Variants in WDR93 observed in about 807,000 individuals in gnomAD.
The protein encoded by WDR93 is WD repeat domain 93.
In WDR93, 73 loss-of-function variants were observed where a neutral mutation model predicts 82.9. The ratio of observed to expected loss-of-function variants is 0.88; its 90% CI spans 0.73 to 1.07. The LOEUF (loss-of-function observed/expected upper bound fraction) is 1.07. Ranked by LOEUF, WDR93 falls within the 50% of genes least tolerant of loss-of-function variation. The probability of loss-of-function intolerance (pLI) is 0.00; values close to 1 mark genes in which losing one functional copy is unlikely to be tolerated. For missense variants in WDR93, 738 were observed against 826.0 expected (o/e 0.89, Z 1.31); for synonymous variants, 283 against 300.1 (o/e 0.94, Z 0.59).
intron 2 of WDR93, 90 bp downstream of exon 2, chr15:89,702,139 G>A (rs1965501357): frequency 2.2e-6 from 3 of 1,385,536 alleles, no homozygotes; most frequent in Non-Finnish European, 2.9e-6. Context: ...ATTCCTACTA[G>A]AAAGCTGCAT....
rs529949117 is a variant in WDR93, at chr15:89,710,886, G to A, written c.562-1140G>A. ...TTTTCATATGGGCAACCAATTTCAA[G>A]GCAACAAAATGGTTGATGATGGAAA... On this transcript the variant is annotated intron_variant, in intron 4 of 16. Coordinates refer to ENST00000268130, the MANE Select transcript of WDR93 (RefSeq NM_020212.2). 1.3e-4 allele frequency among the ~76,000 whole-genome samples: 20 copies of A among 152,256 alleles called. No homozygotes were observed. In the South Asian group the frequency reaches 3.7e-3, roughly 28 times the overall value.
At chr15:89,740,131 A>G (rs936129221) in intron 16 of WDR93, among the ~76,000 whole-genome samples, 3 of 152,208 alleles carry the variant, frequency 2.0e-5, no homozygotes, top group Non-Finnish European at 4.4e-5. Flanking sequence ...ATACATGGAA[A>G]GTACCAGGCA....
At chr15:89,720,518 G>A (rs746387826) in intron 7 of WDR93, among the ~76,000 whole-genome samples, 28 of 152,246 alleles carry the variant, frequency 1.8e-4, no homozygotes, top group South Asian at 1.2e-3. Flanking sequence ...TGATTCGCCC[G>A]CCTCGACCTC....
chr15:89,718,589 T>C (rs1009484679), intron 7 of WDR93, among the ~76,000 whole-genome samples: 1 of 152,138 alleles, frequency 6.6e-6, no homozygotes, highest in Non-Finnish European at 1.5e-5. Flanking sequence ...ATTACACCAC[T>C]GTACTCTAGC....
Position 89,743,560 on chromosome 15 carries a change from C to T in WDR93, c.*169C>T, listed in dbSNP as rs1967842605. On this transcript the variant is annotated 3_prime_UTR_variant, in exon 17 of 17. Transcript: ENST00000268130. The stretch of plus-strand genomic sequence containing the variant: ...AGGGGAAAAGTATAATCTGGGGGAC[C>T]TTCAACCACTAAGCCTCTTGTCAGA... 1.6e-6 allele frequency: 1 copy of T among 621,432 alleles called. No individual in the cohort carries two copies. Among genetic ancestry groups the T allele is most frequent in the East Asian group, 2.8e-5 (1 of 36,216 alleles). The allele number at this position is 621,432 out of a possible 1,614,324, so 38.5% of individuals were successfully genotyped here. A position where few individuals can be genotyped will look rare whatever the true frequency, so the allele number is the denominator to read the frequency against.
chr15:89,722,528 G>A (rs1205935140), intron 8 of WDR93, among the ~76,000 whole-genome samples: 1 of 152,154 alleles, frequency 6.6e-6, no homozygotes, highest in Non-Finnish European at 1.5e-5. Flanking sequence ...GCACAAAGAT[G>A]AGTAAAACAC....
intron 8 of WDR93, among the ~76,000 whole-genome samples, chr15:89,724,125 G>A (rs1462690999): frequency 6.6e-6 from 1 of 151,906 alleles, no homozygotes; most frequent in East Asian, 1.9e-4. Context: ...TTGCTTGTGA[G>A]CTCAGGAGTT....
intron 8 of WDR93, among the ~76,000 whole-genome samples, chr15:89,723,402 A>G (rs1205697515): frequency 6.6e-6 from 1 of 152,058 alleles, no homozygotes; most frequent in Non-Finnish European, 1.5e-5. Context: ...TGATCACACC[A>G]CTACACTCCA....
intron 13 of WDR93, among the ~76,000 whole-genome samples, chr15:89,735,279 C>T (rs185464544): frequency 2.0e-5 from 3 of 152,108 alleles, no homozygotes; most frequent in Non-Finnish European, 2.9e-5. Context: ...TTTTCATTAC[C>T]ATATTATATT....
At chr15:89,706,867 A>G (rs1163822350) in intron 4 of WDR93, among the ~76,000 whole-genome samples, 1 of 152,220 alleles carries the variant, frequency 6.6e-6, no homozygotes, top group Non-Finnish European at 1.5e-5. Context: ...GAAACATAGG[A>G]GAAAGTGATC....
At chr15:89,740,240 G>A (rs1340818310) in intron 16 of WDR93, among the ~76,000 whole-genome samples, 1 of 152,146 alleles carries the variant, frequency 6.6e-6, no homozygotes, top group Admixed American at 6.5e-5. Flanking sequence ...ACCACTAGGT[G>A]GCACCATAGC....
intron 2 of WDR93, 149 bp downstream of exon 2, chr15:89,702,198 T>C (rs1156847251): frequency 2.2e-6 from 2 of 925,448 alleles, no homozygotes; most frequent in Non-Finnish European, 3.2e-6. Context: ...CTGATGTTGA[T>C]TAAAATGATC....
intron 1 of WDR93, among the ~76,000 whole-genome samples, chr15:89,691,071 A>G (rs1964850799): frequency 6.6e-6 from 1 of 152,024 alleles, no homozygotes; most frequent in Non-Finnish European, 1.5e-5. Flanking sequence ...AACTCCCCTG[A>G]GCTCTTGCTT....
intron 7 of WDR93, among the ~76,000 whole-genome samples, chr15:89,719,180 T>C (rs548265982): frequency 3.4e-4 from 52 of 152,222 alleles, no homozygotes; most frequent in African/African-American, 1.2e-3. Context: ...CTCAACCTCC[T>C]GGGCTCAAGC....
rs150773071 is a variant in WDR93 at position 89,729,749 on chromosome 15, G to A, written c.1190G>A (p.Arg397Gln). The change falls in exon 11 of 17, where the codon CGA becomes CAA. Residue 397 changes from arginine (R) to glutamine (Q), a missense_variant. By Grantham distance (43) the Arg-to-Gln change is conservative. Coordinates refer to ENST00000268130, the MANE Select transcript of WDR93 (RefSeq NM_020212.2). ...AATTTCTTCCTGTATTCACTAAACC[G>A]AACTCTAAAGGATAAAGCTGGTACT... Reference protein sequence around the residue: ...SHNFFLYSLNRTLKDKADPEG... With the variant: ...SHNFFLYSLNQTLKDKADPEG... 2.9e-5 allele frequency: 46 copies of A among 1,613,118 alleles called. No individual in the cohort carries two copies. The highest frequency in any genetic ancestry group is 3.4e-4 in the Middle Eastern group (2 of 5,960).
At chr15:89,729,134 C>T in intron 10 of WDR93, 41 bp downstream of exon 10, 1 of 1,574,056 alleles carries the variant, frequency 6.4e-7, no homozygotes, top group South Asian at 1.1e-5. Flanking sequence ...AGCAAGGAGT[C>T]ACCTTGGGGA....
At chr15:89,702,807 G>C in intron 2 of WDR93, 143 bp from the exon 3 acceptor site, 1 of 920,014 alleles carries the variant, frequency 1.1e-6, no homozygotes, top group Non-Finnish European at 1.6e-6. Flanking sequence ...CCAAAGTGCT[G>C]GGATTACAGG....
At chr15:89,712,396 CTTTTT>C (rs1170109589) in intron 5 of WDR93, among the ~76,000 whole-genome samples, 8 of 80,524 alleles carry the variant, frequency 9.9e-5, no homozygotes, top group Non-Finnish European at 1.1e-4. Flanking sequence ...TTCCACTAAT[CTTTTT>C]TTTTTTTTTT....
chr15:89,730,484 A>C (rs552942772), intron 11 of WDR93, among the ~76,000 whole-genome samples: 1 of 152,154 alleles, frequency 6.6e-6, no homozygotes, highest in African/African-American at 2.4e-5. Context: ...AATTAATTAC[A>C]CCATTGTTGT....
Sources: gnomAD v4.1 joint callset for allele counts (sites outside exome capture counted in the v4.1 genomes callset) on GRCh38, gnomAD v4.1.1 for gene constraint, MANE v1.5 for transcripts, NCBI Gene and HGNC (gene_info 2026-07-23, HGNC 2026-07-21) for gene names.